Variants in SYTL2 observed in about 807,000 individuals in gnomAD.
SYTL2 encodes the protein synaptotagmin-like protein 2.
Under a neutral mutation model 198.7 loss-of-function variants are expected in SYTL2, and 165 were observed. The observed-to-expected ratio is 0.83, with a 90% confidence interval of 0.73 to 0.94. SYTL2 has a LOEUF of 0.94. Ranked by LOEUF, SYTL2 falls within the 40% of genes least tolerant of loss-of-function variation. The pLI, the probability that SYTL2 is intolerant of heterozygous loss-of-function variation, is 0.00. For synonymous variants in SYTL2, 966 were observed against 917.7 expected, an observed-to-expected ratio of 1.05 and a Z score of -0.95; for missense variants, 2,835 against 2,582.8, an observed-to-expected ratio of 1.10 and a Z score of -2.12.
At chr11:85,807,420 C>T (rs961111456) in intron 1 of SYTL2, among the ~76,000 whole-genome samples, 2 of 152,180 alleles carry the variant, frequency 1.3e-5, no homozygotes, top group African/African-American at 2.4e-5. Context: ...ATAGCATACA[C>T]ACATGCATGC....
the SYTL2 span, among the ~76,000 whole-genome samples, chr11:85,843,391 T>C: frequency 6.6e-6 from 1 of 151,890 alleles, no homozygotes; most frequent in African/African-American, 2.4e-5. Flanking sequence ...AAATAAAAAA[T>C]AACAGTCTAG....
chr11:85,801,683 A>T (rs1034011520), intron 1 of SYTL2, among the ~76,000 whole-genome samples: 6 of 152,228 alleles, frequency 3.9e-5, no homozygotes, highest in African/African-American at 1.4e-4. Flanking sequence ...CTTCAAAGAT[A>T]AAGGGCAGCC....
At chr11:85,826,877 G>A in the SYTL2 span, among the ~76,000 whole-genome samples, 1 of 152,220 alleles carries the variant, frequency 6.6e-6, no homozygotes, top group Non-Finnish European at 1.5e-5. Flanking sequence ...GTGAAAGTGG[G>A]AAAGTGAAAT....
chr11:85,734,670 T>C lies in SYTL2; in HGVS notation c.659A>G (p.Gln220Arg). ...TSIQKLEKSK[Q>R]TLPGLSNGSQ... The stretch of plus-strand genomic sequence containing the variant: ...CCCATTTGAAAGGCCTGGCAAAGTC[T>C]GCTTTGATTTCTCTAACTTTTGGAT... Residue 220 changes from glutamine to arginine, a missense_variant, in exon 7 of 20, where the codon CAG (glutamine) becomes CGG (arginine). Transcript: ENST00000359152. 6.2e-7 allele frequency: 1 copy of C among 1,614,242 alleles called. No individual in the cohort carries two copies. The highest frequency in any genetic ancestry group is 8.5e-7 in the Non-Finnish European group (1 of 1,180,026).
chr11:85,786,368 A>G (rs2092635994), intron 1 of SYTL2, among the ~76,000 whole-genome samples: 1 of 152,180 alleles, frequency 6.6e-6, no homozygotes, highest in Admixed American at 6.5e-5. Context: ...ATAAAATTGT[A>G]TACAACTTAA....
At chr11:85,707,888 T>C (rs905564266) in intron 14 of SYTL2, 6 of 224,686 alleles carry the variant, frequency 2.7e-5, no homozygotes, top group Non-Finnish European at 5.0e-5. Context: ...GGTGAGCAGA[T>C]CACCTGAGGT....
chr11:85,790,057 C>T (rs1490059196), intron 1 of SYTL2, among the ~76,000 whole-genome samples: 3 of 152,002 alleles, frequency 2.0e-5, no homozygotes, highest in Non-Finnish European at 4.4e-5. Flanking sequence ...AGACTAAACC[C>T]AGATTCGTTT....
intron 1 of SYTL2, among the ~76,000 whole-genome samples, chr11:85,799,631 G>A (rs996541082): frequency 6.6e-6 from 1 of 152,142 alleles, no homozygotes; most frequent in African/African-American, 2.4e-5. Flanking sequence ...AACCATGCTT[G>A]CCATGCTATT....
chr11:85,777,130 C>A (rs1229664757), intron 1 of SYTL2, among the ~76,000 whole-genome samples: 1 of 152,186 alleles, frequency 6.6e-6, no homozygotes, highest in Non-Finnish European at 1.5e-5. Flanking sequence ...AGAGCATTGT[C>A]TTTCATTGAA....
intron 5 of SYTL2, among the ~76,000 whole-genome samples, chr11:85,737,194 T>A (rs569819516): frequency 6.6e-6 from 1 of 152,306 alleles, no homozygotes; most frequent in African/African-American, 2.4e-5. Context: ...TTTAATAAAT[T>A]AGCAATTCTC....
Position 85,747,820 on chromosome 11 carries a change from A to C in SYTL2, c.253+452T>G, listed in dbSNP as rs1035445234. Among the ~76,000 whole-genome samples the C allele has an allele frequency of 1.2e-4, 18 of 152,322 alleles. No homozygotes were observed. The East Asian group carries it at 3.3e-3, about 28-fold the overall frequency. Reference sequence around the variant, plus strand: ...TTTTTGTTTAATCAAATAAACAAGAAGGTTTTTCCATTAAAAAAATGTCTT... The same window carrying C: ...TTTTTGTTTAATCAAATAAACAAGACGGTTTTTCCATTAAAAAAATGTCTT... On this transcript the variant is annotated intron_variant, in intron 3 of 19. Transcript: ENST00000359152.
Position 85,726,014 on chromosome 11 carries a change from T to C in SYTL2, c.3344A>G (p.Gln1115Arg). The change falls in exon 8 of 20, where the codon CAA becomes CGA. Residue 1115 changes from glutamine (Q) to arginine (R), a missense_variant. Gln to Arg is a conservative substitution (Grantham distance 43). Around this residue, in one of 3 missense-constraint regions of SYTL2, gnomAD observed 2,645 missense variants for 2,381.7 expected, o/e 1.11. Transcript: ENST00000359152. ...AACATTGGTTTTTATTATGGATTCT[T>C]GAATCTCTTGTTCTGAGTAATCCTT... is the stretch of plus-strand genomic sequence containing the variant. ...EEKDYSEQEI[Q>R]ESIIKTNVLS... is the part of the protein sequence containing the mutation. 1.2e-6 allele frequency: 2 copies of C among 1,613,594 alleles called. No homozygotes were observed. The highest frequency in any genetic ancestry group is 2.2e-5 in the East Asian group (1 of 44,886).
chr11:85,771,178 G>A (rs2092347557), intron 1 of SYTL2, among the ~76,000 whole-genome samples: 1 of 152,180 alleles, frequency 6.6e-6, no homozygotes, highest in African/African-American at 2.4e-5. Flanking sequence ...AACATAAATA[G>A]TTACCAAAGT....
intron 1 of SYTL2, among the ~76,000 whole-genome samples, chr11:85,774,550 C>G (rs933090619): frequency 6.6e-6 from 1 of 152,034 alleles, no homozygotes; most frequent in African/African-American, 2.4e-5. Context: ...CCCCAAATAC[C>G]GAGCTTTGCA....
At chr11:85,736,901 G>T (rs1005393920) in intron 5 of SYTL2, among the ~76,000 whole-genome samples, 7 of 152,084 alleles carry the variant, frequency 4.6e-5, no homozygotes, top group African/African-American at 1.7e-4. Context: ...ACTTGGCCCC[G>T]GATATAGCAA....
chr11:85,763,742 T>C (rs1362677979), intron 1 of SYTL2, among the ~76,000 whole-genome samples: 1 of 150,480 alleles, frequency 6.6e-6, no homozygotes, highest in African/African-American at 2.4e-5. Context: ...AGAGCAGTAA[T>C]ATGCCTGAGT....
Position 85,734,759 on chromosome 11 carries a change from A to G in SYTL2, c.587-17T>C. The G allele has an allele frequency of 1.3e-6, 2 of 1,572,402 alleles. No individual in the cohort carries two copies. The highest frequency in any genetic ancestry group is 1.7e-6 in the Non-Finnish European group (2 of 1,147,136). ...ACAATTCATCTGAAAATTAAAACAC[A>G]GTAGGTGATATATCATATAGAGAGT... On this transcript the variant is annotated splice_polypyrimidine_tract_variant and intron_variant, in intron 6 of 19. Coordinates refer to ENST00000359152, the MANE Select transcript of SYTL2 (RefSeq NM_206927.4).
chr11:85,733,669 G>A (rs190635972), intron 7 of SYTL2: 9,344 of 213,586 alleles, frequency 0.044, 291 homozygotes, highest in East Asian at 0.11. Flanking sequence ...GCGCAATCTC[G>A]GCTCACTGCA....
chr11:85,768,502 C>G (rs143696248), intron 1 of SYTL2, among the ~76,000 whole-genome samples: 1 of 152,278 alleles, frequency 6.6e-6, no homozygotes, highest in Admixed American at 6.5e-5. Context: ...AGTAAAATGG[C>G]CTGGGACACA....
Sources: allele counts gnomAD v4.1 joint callset (sites outside exome capture counted in the v4.1 genomes callset), GRCh38; gene constraint gnomAD v4.1.1; regional missense constraint gnomAD v4.1.1; transcripts MANE v1.5; gene names NCBI Gene and HGNC (gene_info 2026-07-23, HGNC 2026-07-21).